SNTB2: variants seen among roughly 807,000 people sequenced by gnomAD.
SNTB2 encodes the protein beta-2-syntrophin.
A neutral mutation model predicts 46.2 loss-of-function variants in SNTB2; 34 were observed. The observed-to-expected ratio is 0.74, with a 90% confidence interval of 0.56 to 0.98. The LOEUF is 0.98. Ranked by LOEUF, SNTB2 falls within the 50% of genes least tolerant of loss-of-function variation. The pLI is 0.00. For synonymous variants in SNTB2, 290 were observed against 312.6 expected, an observed-to-expected ratio of 0.93 and a Z score of 0.76; for missense variants, 603 against 731.4, an observed-to-expected ratio of 0.82 and a Z score of 2.02.
At chr16:69,271,788 G>A (rs1403936496) in intron 4 of SNTB2, among the ~76,000 whole-genome samples, 1 of 152,142 alleles carries the variant, frequency 6.6e-6, no homozygotes, top group Non-Finnish European at 1.5e-5. Context: ...GTGTGCACCT[G>A]GAAGCATGAA....
intron 5 of SNTB2, among the ~76,000 whole-genome samples, chr16:69,285,965 G>A (rs913281608): frequency 6.6e-6 from 1 of 151,938 alleles, no homozygotes; most frequent in Non-Finnish European, 1.5e-5. Flanking sequence ...GCTAAGTTTT[G>A]TATTTTTAGT....
At position 69,305,916 on chromosome 16, in the gene SNTB2, C is replaced by T. The variant is rs1474553769; in HGVS notation, c.*4992C>T. 2 of 152,118 alleles carry T rather than the reference C, an allele frequency of 1.3e-5. No individual in the cohort carries two copies. The highest frequency in any genetic ancestry group is 1.5e-5 in the Non-Finnish European group (1 of 68,020). The allele number at this position is 152,118 out of a possible 1,614,324, so 9.4% of individuals were successfully genotyped here. A position where few individuals can be genotyped will look rare whatever the true frequency, so the allele number is the denominator to read the frequency against. On this transcript the variant is annotated 3_prime_UTR_variant, in exon 7 of 7. Coordinates refer to ENST00000336278, the MANE Select transcript of SNTB2 (RefSeq NM_006750.4). The stretch of plus-strand genomic sequence containing the variant: ...CCAATTGTAGCAATCTGCCCGCCTC[C>T]ACCCTTTAAGCTAAATCTTTCACTG...
chr16:69,297,306 CAAAAAAAAAAAAAAA>C (rs60543622), intron 5 of SNTB2, among the ~76,000 whole-genome samples: 2 of 45,722 alleles, frequency 4.4e-5, no homozygotes, highest in African/African-American at 2.0e-4. Flanking sequence ...GATTCTATCT[CAAAAAAAAAAAAAAA>C]AAAAAAAAAA....
chr16:69,274,738 C>A (rs1274932565), intron 4 of SNTB2, among the ~76,000 whole-genome samples: 1 of 151,438 alleles, frequency 6.6e-6, no homozygotes, highest in Non-Finnish European at 1.5e-5. Flanking sequence ...CTGGAAGAGT[C>A]ACTTAAGCCC....
chr16:69,218,932 G>C (rs1295535323), intron 1 of SNTB2, among the ~76,000 whole-genome samples: 3 of 152,152 alleles, frequency 2.0e-5, no homozygotes, highest in Non-Finnish European at 4.4e-5. Context: ...GATACTGGTT[G>C]GGTCTGTCCT....
At chr16:69,293,618 T>G (rs953167458) in intron 5 of SNTB2, among the ~76,000 whole-genome samples, 3 of 150,700 alleles carry the variant, frequency 2.0e-5, no homozygotes, top group African/African-American at 7.3e-5. Context: ...AGAGGGGGAG[T>G]GGTACTTGGA....
Position 69,308,837 on chromosome 16 carries a change from C to T in SNTB2, c.*7913C>T, listed in dbSNP as rs376001813. 6.6e-6 allele frequency: 1 copy of T among 152,212 alleles called. No individual in the cohort carries two copies. The highest frequency in any genetic ancestry group is 1.5e-5 in the Non-Finnish European group (1 of 68,024). 9.4% of individuals were successfully genotyped at this position (152,212 alleles called of 1,614,324 possible). On this transcript the variant is annotated 3_prime_UTR_variant, in exon 7 of 7. Transcript: ENST00000336278. ...TCTGGATACCAAATCAAAAACCCAA[C>T]GCGTAAAACAGGGCAGTATTTGTGT... is the stretch of plus-strand genomic sequence containing the variant.
At chr16:69,196,408 C>A (rs949349463) in intron 1 of SNTB2, among the ~76,000 whole-genome samples, 53 of 149,140 alleles carry the variant, frequency 3.6e-4, no homozygotes, top group Admixed American at 6.7e-4. Flanking sequence ...GGGGTTTGGC[C>A]CTGTCACCCA....
At chr16:69,211,120 T>A (rs1460615942) in intron 1 of SNTB2, among the ~76,000 whole-genome samples, 1 of 152,048 alleles carries the variant, frequency 6.6e-6, no homozygotes, top group Non-Finnish European at 1.5e-5. Context: ...ATTAAAAAAA[T>A]TAAATTTTTA....
At chr16:69,200,068 C>G (rs1964146551) in intron 1 of SNTB2, among the ~76,000 whole-genome samples, 1 of 152,096 alleles carries the variant, frequency 6.6e-6, no homozygotes, top group Non-Finnish European at 1.5e-5. Context: ...ATGCGTGCCA[C>G]CACACCCAGC....
chr16:69,187,184 G>A lies in SNTB2; in HGVS notation c.18G>A (p.Ala6=). ...TGACTGGAATGAGGGTAGCTGCGGC[G>A]ACTGCGGCGGCTGGAGCGGGGCCGG... MRVAA[A]TAAAGAGPAM... Residue 6 remains alanine, a synonymous_variant, in exon 1 of 7, where the codon GCG becomes GCA. Transcript: ENST00000336278. 7.3e-7 allele frequency: 1 copy of A among 1,377,502 alleles called. No homozygotes were observed. Among genetic ancestry groups the A allele is most frequent in the Non-Finnish European group, 9.4e-7 (1 of 1,063,354 alleles). The allele number at this position is 1,377,502 out of a possible 1,614,324, so 85.3% of individuals were successfully genotyped here.
At chr16:69,283,006 A>G (rs1465699413) in intron 4 of SNTB2, among the ~76,000 whole-genome samples, 1 of 152,218 alleles carries the variant, frequency 6.6e-6, no homozygotes, top group Non-Finnish European at 1.5e-5. Flanking sequence ...ATACAGTGGC[A>G]TAATCATGGC....
In SNTB2 at chr16:69,214,135, T is replaced by A. The variant is rs540452503; in HGVS notation, c.580+26389T>A. Among the ~76,000 whole-genome samples the A allele has an allele frequency of 1.2e-3, 178 of 150,076 alleles. 1 individual carries two copies. Among genetic ancestry groups the A allele is most frequent in the South Asian group, 2.1e-3 (10 of 4,732 alleles). On this transcript the variant is annotated intron_variant, in intron 1 of 6. Transcript: ENST00000336278. ...ACCACGCCCAGCCTTTTATTTTTTT[T>A]TTTTTTATTTTTTTTGAGACAGTCT...
At chr16:69,294,673 C>T (rs1965205869) in intron 5 of SNTB2, among the ~76,000 whole-genome samples, 1 of 151,930 alleles carries the variant, frequency 6.6e-6, no homozygotes, top group African/African-American at 2.4e-5. Context: ...GCGGAGGTTG[C>T]AGTGAGCCGA....
At chr16:69,259,357 C>G (rs112749270) in intron 2 of SNTB2, among the ~76,000 whole-genome samples, 150 of 150,052 alleles carry the variant, frequency 1.0e-3, no homozygotes, top group Non-Finnish European at 1.4e-3. Flanking sequence ...CTCAGCCTCC[C>G]GAGTAGCTGG....
chr16:69,259,156 G>A (rs1000511640), intron 2 of SNTB2, among the ~76,000 whole-genome samples: 6 of 150,504 alleles, frequency 4.0e-5, no homozygotes, highest in Non-Finnish European at 8.8e-5. Flanking sequence ...CATTAACACC[G>A]AAACGACAGA....
At chr16:69,190,573 A>G (rs1273193765) in intron 1 of SNTB2, among the ~76,000 whole-genome samples, 1 of 152,216 alleles carries the variant, frequency 6.6e-6, no homozygotes, top group African/African-American at 2.4e-5. Context: ...TGCACAACCC[A>G]AAGGAGACAG....
chr16:69,238,079 C>T (rs899598029), intron 1 of SNTB2, among the ~76,000 whole-genome samples: 1 of 152,130 alleles, frequency 6.6e-6, no homozygotes, highest in South Asian at 2.1e-4. Flanking sequence ...TGCCATCTGT[C>T]CCGGACGCTG....
intron 5 of SNTB2, among the ~76,000 whole-genome samples, chr16:69,292,928 C>T (rs1965188721): frequency 6.6e-6 from 1 of 152,080 alleles, no homozygotes; most frequent in East Asian, 1.9e-4. Flanking sequence ...CCCCACAACC[C>T]CCAACTTAGG....
Sources: gnomAD v4.1 joint callset for allele counts (sites outside exome capture counted in the v4.1 genomes callset) on GRCh38, gnomAD v4.1.1 for gene constraint, MANE v1.5 for transcripts, NCBI Gene and HGNC (gene_info 2026-07-23, HGNC 2026-07-21) for gene names.